The following PTPRD variants were observed in gnomAD, a reference collection of about 807,000 sequenced individuals.
The protein encoded by PTPRD is protein tyrosine phosphatase receptor type D.
A neutral mutation model predicts 214.5 loss-of-function variants in PTPRD; 34 were observed. The observed-to-expected ratio is 0.16, with a 90% CI of 0.12 to 0.21. The LOEUF (loss-of-function observed/expected upper bound fraction) is 0.21. PTPRD is among the 10% of genes least tolerant of loss of function. The pLI, the probability that PTPRD is intolerant of heterozygous loss-of-function variation, is 1.00. For missense variants in PTPRD, 2,545 were observed against 2,398.7 expected (o/e 1.06, Z -1.27); for synonymous variants, 1,128 against 845.7 (o/e 1.33, Z -5.79).
At chr9:8,706,171 T>A (rs1026759872) in intron 12 of PTPRD, among the ~76,000 whole-genome samples, 5 of 152,034 alleles carry the variant, frequency 3.3e-5, no homozygotes, top group South Asian at 4.1e-4. Flanking sequence ...GAAAGAACAC[T>A]GAATTAAAAA....
intron 2 of PTPRD, among the ~76,000 whole-genome samples, chr9:10,475,566 C>T (rs2131891318): frequency 6.6e-6 from 1 of 152,160 alleles, no homozygotes; most frequent in South Asian, 2.1e-4. Context: ...CAAAGAGGAG[C>T]TGGTACCATT....
At chr9:10,175,744 A>T (rs890890477) in intron 3 of PTPRD, among the ~76,000 whole-genome samples, 1 of 151,920 alleles carries the variant, frequency 6.6e-6, no homozygotes, top group African/African-American at 2.4e-5. Flanking sequence ...TAAATTAGTC[A>T]AAGTATGTGG....
At chr9:9,989,821 G>T (rs905847494) in intron 4 of PTPRD, among the ~76,000 whole-genome samples, 1 of 152,196 alleles carries the variant, frequency 6.6e-6, no homozygotes, top group East Asian at 1.9e-4. Context: ...TACGGGGTTC[G>T]TTCTTGCTGG....
At chr9:9,167,275 AT>A (rs1261839190) in intron 10 of PTPRD, among the ~76,000 whole-genome samples, 7 of 149,212 alleles carry the variant, frequency 4.7e-5, no homozygotes, top group Non-Finnish European at 8.9e-5. Context: ...TGTGCTTCTT[AT>A]TTTTTTAAAT....
chr9:9,037,973 A>G (rs577750590), intron 10 of PTPRD, among the ~76,000 whole-genome samples: 8 of 152,198 alleles, frequency 5.3e-5, no homozygotes, highest in South Asian at 4.1e-4. Context: ...AATTTAGTTC[A>G]TCATCTATAA....
At chr9:10,038,896 C>T (rs1346169850) in intron 3 of PTPRD, among the ~76,000 whole-genome samples, 1 of 151,976 alleles carries the variant, frequency 6.6e-6, no homozygotes, top group Non-Finnish European at 1.5e-5. Flanking sequence ...ATTGTTTTAA[C>T]AATTATTGCC....
Position 9,899,937 on chromosome 9 carries a change from A to G in PTPRD, c.-368+38570T>C, listed in dbSNP as rs548614377. Among the ~76,000 whole-genome samples, 3 of 152,296 alleles carry G rather than the reference A, an allele frequency of 2.0e-5. No individual in the cohort carries two copies. In the South Asian group the frequency reaches 6.2e-4, roughly 32 times the overall value. ...ATACTATGTTAGGTGAAATAAGCCA[A>G]GCACACAAAGACACATGACAAACCT... On this transcript the variant is annotated intron_variant, in intron 5 of 45. Transcript: ENST00000381196.
chr9:9,930,742 T>C (rs1264023771), intron 5 of PTPRD, among the ~76,000 whole-genome samples: 1 of 152,120 alleles, frequency 6.6e-6, no homozygotes, highest in Non-Finnish European at 1.5e-5. Flanking sequence ...GTATTATTTA[T>C]ACTTTTCCAC....
intron 5 of PTPRD, among the ~76,000 whole-genome samples, chr9:9,771,034 C>G (rs1597342042): frequency 6.6e-6 from 1 of 152,258 alleles, no homozygotes; most frequent in Non-Finnish European, 1.5e-5. Context: ...TGGAAGTCAA[C>G]AATTATTACT....
intron 4 of PTPRD, among the ~76,000 whole-genome samples, chr9:9,966,679 GA>G (rs2094725805): frequency 6.6e-6 from 1 of 152,098 alleles, no homozygotes; most frequent in African/African-American, 2.4e-5. Flanking sequence ...GGATTTGGGG[GA>G]AAGTCCATCA....
intron 4 of PTPRD, among the ~76,000 whole-genome samples, chr9:10,016,293 T>C (rs1295762907): frequency 6.6e-6 from 1 of 152,238 alleles, no homozygotes; most frequent in East Asian, 1.9e-4. Context: ...CAGTAGTGAG[T>C]TATAACTATT....
At chr9:9,930,428 T>C (rs189786816) in intron 5 of PTPRD, among the ~76,000 whole-genome samples, 37 of 152,328 alleles carry the variant, frequency 2.4e-4, no homozygotes, top group Non-Finnish European at 1.5e-5. Context: ...ACAGAGTTTA[T>C]TTTTAAAATG....
intron 2 of PTPRD, among the ~76,000 whole-genome samples, chr9:10,489,191 T>G (rs1316429468): frequency 6.6e-6 from 1 of 152,126 alleles, no homozygotes; most frequent in Non-Finnish European, 1.5e-5. Flanking sequence ...CTGCCAGGAC[T>G]GGGTCATTGC....
At chr9:9,946,402 G>A (rs1225241971) in intron 4 of PTPRD, among the ~76,000 whole-genome samples, 1 of 152,124 alleles carries the variant, frequency 6.6e-6, no homozygotes, top group African/African-American at 2.4e-5. Context: ...TGGCATGTAA[G>A]AGGTTATACG....
intron 2 of PTPRD, among the ~76,000 whole-genome samples, chr9:10,474,578 G>C (rs2099051093): frequency 6.6e-6 from 1 of 151,754 alleles, no homozygotes; most frequent in African/African-American, 2.4e-5. Context: ...TTAGATCAAA[G>C]AGGCAGAAAA....
At chr9:9,927,425 C>T (rs1229324938) in intron 5 of PTPRD, among the ~76,000 whole-genome samples, 1 of 152,138 alleles carries the variant, frequency 6.6e-6, no homozygotes, top group Non-Finnish European at 1.5e-5. Flanking sequence ...CCTACATCTG[C>T]AATGCCATTC....
intron 11 of PTPRD, among the ~76,000 whole-genome samples, chr9:8,910,406 G>C (rs916380781): frequency 6.6e-6 from 1 of 152,096 alleles, no homozygotes; most frequent in Admixed American, 6.5e-5. Flanking sequence ...ATTGGGTCAT[G>C]AAGGATCTGT....
intron 33 of PTPRD, among the ~76,000 whole-genome samples, chr9:8,458,136 C>T (rs766566216): frequency 3.3e-5 from 5 of 152,132 alleles, no homozygotes; most frequent in Middle Eastern, 6.8e-3. Context: ...TTGCATTAGA[C>T]GATGCTTACA....
chr9:10,581,278 C>A (rs911002772), intron 2 of PTPRD, among the ~76,000 whole-genome samples: 5 of 152,118 alleles, frequency 3.3e-5, no homozygotes, highest in Non-Finnish European at 7.4e-5. Flanking sequence ...AACTGTCAAT[C>A]TTAAAAAGAA....
Sources: gnomAD v4.1 joint callset for allele counts (sites outside exome capture counted in the v4.1 genomes callset) on GRCh38, gnomAD v4.1.1 for gene constraint, MANE v1.5 for transcripts, NCBI Gene and HGNC (gene_info 2026-07-23, HGNC 2026-07-21) for gene names.